The following TSEN2 variants were observed in gnomAD, a reference collection of about 807,000 sequenced individuals.
TSEN2 encodes the protein tRNA splicing endonuclease subunit 2.
A neutral mutation model predicts 59.2 loss-of-function variants in TSEN2; 54 were observed. The observed-to-expected ratio is 0.91, with a 90% CI of 0.73 to 1.14. The LOEUF is 1.14. Among genes scored for constraint, TSEN2 ranks in the 50% most tolerant of loss-of-function variants. The pLI, the probability that TSEN2 is intolerant of heterozygous loss-of-function variation, is 0.00. For missense variants in TSEN2, 636 were observed against 576.2 expected, an observed-to-expected ratio of 1.10 and a Z score of -1.06; for synonymous variants, 195 against 198.2, an observed-to-expected ratio of 0.98 and a Z score of 0.14.
At chr3:12,492,019 C>A in intron 2 of TSEN2, 117 bp from the exon 3 acceptor site, 1 of 836,436 alleles carries the variant, frequency 1.2e-6, no homozygotes, top group Non-Finnish European at 2.0e-6. Flanking sequence ...TTTTGGTATC[C>A]ACCAGAGGTC....
chr3:12,499,524 G>A (rs1211586273), intron 4 of TSEN2, among the ~76,000 whole-genome samples: 1 of 152,218 alleles, frequency 6.6e-6, no homozygotes, highest in Admixed American at 6.5e-5. Flanking sequence ...CCCAGTCTCT[G>A]AGCTTGCCTG....
chr3:12,494,939 A>G (rs1406000181), intron 3 of TSEN2, among the ~76,000 whole-genome samples: 3 of 150,852 alleles, frequency 2.0e-5, no homozygotes, highest in African/African-American at 7.3e-5. Context: ...CAGCCTGGCC[A>G]ACATGGCGAA....
intron 6 of TSEN2, among the ~76,000 whole-genome samples, chr3:12,506,340 A>G (rs1024326678): frequency 6.6e-6 from 1 of 152,066 alleles, no homozygotes; most frequent in Non-Finnish European, 1.5e-5. Flanking sequence ...CACACCTGTA[A>G]TCCCAGCACT....
chr3:12,528,454 C>T (rs1037664890), intron 8 of TSEN2, among the ~76,000 whole-genome samples: 10 of 152,170 alleles, frequency 6.6e-5, no homozygotes, highest in African/African-American at 2.4e-4. Context: ...GGTGTGGTGG[C>T]TCACACCTGT....
intron 3 of TSEN2, among the ~76,000 whole-genome samples, chr3:12,492,577 A>G (rs538379462): frequency 1.3e-4 from 20 of 152,342 alleles, no homozygotes; most frequent in Non-Finnish European, 2.5e-4. Flanking sequence ...CATGACATGT[A>G]TGTGTGTGGT....
At chr3:12,483,390 AT>A (rs1170152775), upstream of TSEN2, among the ~76,000 whole-genome samples, 1 of 152,176 alleles carries the variant, frequency 6.6e-6, no homozygotes. Context: ...GTCTCAAAAA[AT>A]AAAAAGGGCC....
chr3:12,488,288 C>T lies in TSEN2; in HGVS notation c.-17-1496C>T, dbSNP rs190546787. On this transcript the variant is annotated intron_variant, in intron 1 of 11. Transcript: ENST00000284995. Reference sequence around the variant, plus strand: ...TCTTATTTTTTCCCTTGTGAGGATTCGGAGTCATGTAGGTTAAACGTGTGT... The same window carrying T: ...TCTTATTTTTTCCCTTGTGAGGATTTGGAGTCATGTAGGTTAAACGTGTGT... Among the ~76,000 whole-genome samples, 8 of 152,220 alleles carry T rather than the reference C, an allele frequency of 5.3e-5. No individual in the cohort carries two copies. In the East Asian group the frequency reaches 1.2e-3, roughly 22 times the overall value.
chr3:12,484,480 GTTGCCGGGGTAACGGC>G lies in TSEN2; in HGVS notation c.-417_-402del, dbSNP rs1454744012. On this transcript the variant is annotated 5_prime_UTR_variant, in exon 1 of 12. Coordinates refer to ENST00000284995, the MANE Select transcript of TSEN2 (RefSeq NM_025265.4). ...CAGCGGTGTCCGCCCCACGGCCGGC[GTTGCCGGGGTAACGGC>G]GAGCGCGTGGGGCCAAGAAAGGTAA... 7.9e-4 allele frequency: 121 copies of G among 152,402 alleles called. No homozygotes were observed. The highest frequency in any genetic ancestry group is 2.7e-3 in the African/African-American group (113 of 41,592). 9.4% of individuals were successfully genotyped at this position (152,402 alleles called of 1,614,324 possible). A position where few individuals can be genotyped will look rare whatever the true frequency, so the allele number is the denominator to read the frequency against.
At chr3:12,523,928 A>C (rs1392644096) in intron 8 of TSEN2, among the ~76,000 whole-genome samples, 1 of 152,202 alleles carries the variant, frequency 6.6e-6, no homozygotes, top group Non-Finnish European at 1.5e-5. Context: ...GTTTACGTAC[A>C]TAATCCATAT....
At chr3:12,518,680 A>G (rs928608772) in intron 7 of TSEN2, among the ~76,000 whole-genome samples, 7 of 150,772 alleles carry the variant, frequency 4.6e-5, no homozygotes, top group Non-Finnish European at 1.0e-4. Flanking sequence ...TTATTCAAAG[A>G]TATTGAAATA....
chr3:12,516,533 A>C, intron 6 of TSEN2, 78 bp from the exon 7 acceptor site: 6 of 1,378,580 alleles, frequency 4.4e-6, no homozygotes, highest in Non-Finnish European at 6.2e-6. Context: ...TGAGGTGAAA[A>C]GAGATCAGTC....
upstream of TSEN2, among the ~76,000 whole-genome samples, chr3:12,483,618 C>G (rs2052303455): frequency 6.6e-6 from 1 of 152,144 alleles, no homozygotes. Flanking sequence ...GGCAGAAGTC[C>G]AAAATTCAAC....
At chr3:12,529,683 G>A in intron 9 of TSEN2, 79 bp from the exon 10 acceptor site, 1 of 1,333,886 alleles carries the variant, frequency 7.5e-7, no homozygotes, top group Non-Finnish European at 1.1e-6. Flanking sequence ...CTGTATATTT[G>A]TTCTTGGTAG....
intron 6 of TSEN2, among the ~76,000 whole-genome samples, chr3:12,513,138 G>C (rs2055672761): frequency 6.6e-6 from 1 of 152,190 alleles, no homozygotes; most frequent in East Asian, 1.9e-4. Flanking sequence ...ATCAAAGCCA[G>C]TCACCATTTT....
chr3:12,506,578 C>CAAA (rs537179433), intron 6 of TSEN2: 567 of 354,804 alleles, frequency 1.6e-3, no homozygotes, highest in Non-Finnish European at 1.8e-3. Context: ...GATCCTGTTT[C>CAAA]AAAAAAAAAA....
intron 6 of TSEN2, among the ~76,000 whole-genome samples, chr3:12,513,753 T>G (rs1241396606): frequency 6.6e-6 from 1 of 152,234 alleles, no homozygotes; most frequent in East Asian, 1.9e-4. Context: ...GTAGTCCATC[T>G]GAAAAACAGC....
intron 1 of TSEN2, among the ~76,000 whole-genome samples, chr3:12,487,771 C>G (rs529461023): frequency 6.6e-6 from 1 of 152,336 alleles, no homozygotes; most frequent in South Asian, 2.1e-4. Flanking sequence ...TAAATATGCT[C>G]TTAAGAAAAT....
At chr3:12,532,587 G>A in intron 11 of TSEN2, 75 bp from the exon 12 acceptor site, 1 of 1,424,528 alleles carries the variant, frequency 7.0e-7, no homozygotes, top group Admixed American at 1.7e-5. Flanking sequence ...AAATGTAGCT[G>A]TGGTGTCAGC....
chr3:12,529,693 G>A (rs1162821080), intron 9 of TSEN2, 69 bp from the exon 10 acceptor site: 1 of 1,418,978 alleles, frequency 7.0e-7, no homozygotes, highest in East Asian at 2.3e-5. Context: ...GTTCTTGGTA[G>A]GACAAATATT....
Sources: allele counts gnomAD v4.1 joint callset (sites outside exome capture counted in the v4.1 genomes callset), GRCh38; gene constraint gnomAD v4.1.1; transcripts MANE v1.5; gene names NCBI Gene and HGNC (gene_info 2026-07-23, HGNC 2026-07-21).